Variants in ANO1 observed in about 807,000 individuals in gnomAD.
ANO1 encodes the protein anoctamin 1, also known as anoctamin-1.
Under a neutral mutation model 124.0 loss-of-function variants are expected in ANO1, and 59 were observed. That is an observed-to-expected ratio of 0.48 (90% confidence interval 0.39 to 0.59). The LOEUF is 0.59. Among genes scored for constraint, ANO1 ranks in the 20% least tolerant of loss-of-function variants. The pLI is 0.00. For synonymous variants in ANO1, 529 were observed against 532.0 expected (o/e 0.99, Z 0.08); for missense variants, 1,059 against 1,328.0 (o/e 0.80, Z 3.15).
upstream of ANO1, among the ~76,000 whole-genome samples, chr11:69,982,731 C>A (rs1855970076): frequency 6.6e-6 from 1 of 152,172 alleles, no homozygotes; most frequent in South Asian, 2.1e-4. Context: ...CTTGCTCACT[C>A]CTCCAGGCTG....
intron 17 of ANO1, 106 bp downstream of exon 17, chr11:70,161,468 G>C: frequency 7.0e-7 from 1 of 1,433,986 alleles, no homozygotes; most frequent in Non-Finnish European, 9.7e-7. Context: ...CTGGGCCCCA[G>C]CTCCCTGGTT....
At chr11:70,158,000 A>C (rs1477935316) in intron 16 of ANO1, among the ~76,000 whole-genome samples, 1 of 150,670 alleles carries the variant, frequency 6.6e-6, no homozygotes, top group East Asian at 1.9e-4. Context: ...AAAAAAAAAA[A>C]AACCTGTTTA....
At chr11:70,068,085 G>A (rs953470808) in intron 1 of ANO1, among the ~76,000 whole-genome samples, 23 of 152,234 alleles carry the variant, frequency 1.5e-4, no homozygotes, top group African/African-American at 4.6e-4. Flanking sequence ...AGGAGCCCTC[G>A]TATTGGAGAA....
At chr11:70,110,394 G>A (rs941732703) in intron 6 of ANO1, among the ~76,000 whole-genome samples, 1 of 152,002 alleles carries the variant, frequency 6.6e-6, no homozygotes, top group East Asian at 1.9e-4. Flanking sequence ...CACTGTGTTA[G>A]CCAGGATAGT....
intron 14 of ANO1, 68 bp downstream of exon 14, chr11:70,153,196 G>T: frequency 7.3e-7 from 1 of 1,371,054 alleles, no homozygotes; most frequent in South Asian, 1.2e-5. Flanking sequence ...ATGTAGACCT[G>T]GGATCAGCCC....
intron 1 of ANO1, among the ~76,000 whole-genome samples, chr11:70,019,741 G>A (rs998172226): frequency 1.4e-4 from 21 of 152,224 alleles, no homozygotes; most frequent in African/African-American, 5.1e-4. Flanking sequence ...TCAGCCCCTT[G>A]GGTAATTCTA....
chr11:70,004,227 T>C (rs1208442454), intron 1 of ANO1, among the ~76,000 whole-genome samples: 2 of 152,216 alleles, frequency 1.3e-5, no homozygotes, highest in Non-Finnish European at 2.9e-5. Context: ...TTCAAGCATC[T>C]GGTCTGTGCT....
rs781983118 is a variant in ANO1 at position 69,994,149 on chromosome 11, G to A, written c.58+7983G>A. 4.6e-5 allele frequency among the ~76,000 whole-genome samples: 7 copies of A among 152,000 alleles called. 1 individual carries two copies. Among genetic ancestry groups the A allele is most frequent in the Admixed American group, 2.6e-4 (4 of 15,258 alleles). On this transcript the variant is annotated intron_variant, in intron 1 of 27. Coordinates refer to the ANO1 transcript ENST00000531349. ...TGGAAGGGACCTAAGCGGTGCATGG[G>A]CTAGCTGAGCATCACCTCTGGGGTT...
At chr11:69,967,218 G>A in the ANO1 span, among the ~76,000 whole-genome samples, 2 of 147,624 alleles carry the variant, frequency 1.4e-5, no homozygotes, top group African/African-American at 5.0e-5. Context: ...ATCAGGCTCC[G>A]AGCGCCCGTA....
intron 11 of ANO1, 35 bp from the exon 12 acceptor site, chr11:70,149,675 G>C: frequency 2.6e-6 from 4 of 1,552,746 alleles, no homozygotes; most frequent in Non-Finnish European, 3.5e-6. Flanking sequence ...ATGCCTTTAT[G>C]TCATCAGAGA....
At chr11:70,035,959 A>G (rs571573568) in intron 1 of ANO1, among the ~76,000 whole-genome samples, 5 of 152,216 alleles carry the variant, frequency 3.3e-5, no homozygotes, top group African/African-American at 1.2e-4. Flanking sequence ...AGTCTTTGCT[A>G]TTGTAAGTAG....
chr11:70,078,928 C>T (rs576234611), intron 1 of ANO1, among the ~76,000 whole-genome samples: 2 of 151,728 alleles, frequency 1.3e-5, no homozygotes, highest in Non-Finnish European at 2.9e-5. Context: ...CTGAGCGTTC[C>T]GAGCGCGGCG....
At chr11:70,114,047 C>A (rs2045888185) in intron 7 of ANO1, among the ~76,000 whole-genome samples, 1 of 152,220 alleles carries the variant, frequency 6.6e-6, no homozygotes. Flanking sequence ...CGCAAAACTC[C>A]CTCATCAGCT....
intron 4 of ANO1, 107 bp from the exon 5 acceptor site, chr11:70,105,627 T>C (rs2045495764): frequency 2.2e-5 from 23 of 1,057,276 alleles, no homozygotes; most frequent in Non-Finnish European, 3.2e-5. Flanking sequence ...TCTGTCCATT[T>C]CACGGTCACG....
intron 22 of ANO1, among the ~76,000 whole-genome samples, chr11:70,174,354 C>G (rs2048602517): frequency 1.3e-5 from 2 of 151,734 alleles, no homozygotes; most frequent in African/African-American, 4.8e-5. Flanking sequence ...CGAGATCGCA[C>G]CACTGCACTC....
intron 22 of ANO1, among the ~76,000 whole-genome samples, chr11:70,174,093 G>A (rs2048583920): frequency 6.7e-6 from 1 of 149,884 alleles, no homozygotes; most frequent in Non-Finnish European, 1.5e-5. Flanking sequence ...CCGCCACCAC[G>A]CTTGGCTGAT....
intron 9 of ANO1, among the ~76,000 whole-genome samples, chr11:70,125,268 G>A (rs1248429010): frequency 1.3e-5 from 2 of 151,868 alleles, no homozygotes; most frequent in Non-Finnish European, 2.9e-5. Context: ...GCTTGAACCC[G>A]AGAGGCGGAG....
intron 1 of ANO1, among the ~76,000 whole-genome samples, chr11:69,987,045 C>G (rs1488740682): frequency 6.6e-6 from 1 of 152,002 alleles, no homozygotes; most frequent in Non-Finnish European, 1.5e-5. Context: ...GACTTTTCTT[C>G]TTTTCGAATT....
intron 1 of ANO1, among the ~76,000 whole-genome samples, chr11:69,993,953 G>A (rs1856206035): frequency 2.0e-5 from 3 of 152,142 alleles, no homozygotes; most frequent in Admixed American, 2.0e-4. Flanking sequence ...TGCGGCACAG[G>A]CCCCTCTCCC....
Sources: allele counts gnomAD v4.1 joint callset (sites outside exome capture counted in the v4.1 genomes callset), GRCh38; gene constraint gnomAD v4.1.1; transcripts MANE v1.5; gene names NCBI Gene and HGNC (gene_info 2026-07-23, HGNC 2026-07-21).